VPS54: variants seen among roughly 807,000 people sequenced by gnomAD.
VPS54 encodes VPS54 subunit of GARP complex.
A neutral mutation model predicts 121.5 loss-of-function variants in VPS54; 45 were observed. That is an observed-to-expected ratio of 0.37 (90% CI 0.29 to 0.47). The LOEUF is 0.47. Among genes scored for constraint, VPS54 ranks in the 20% least tolerant of loss-of-function variants. The pLI is 0.99. For missense variants in VPS54, 1,090 were observed against 1,131.4 expected (o/e 0.96, Z 0.52); for synonymous variants, 371 against 385.8 (o/e 0.96, Z 0.45).
intron 1 of VPS54, among the ~76,000 whole-genome samples, chr2:64,001,161 C>G (rs1677856974): frequency 6.6e-6 from 1 of 152,194 alleles, no homozygotes; most frequent in African/African-American, 2.4e-5. Flanking sequence ...CCACCACCAC[C>G]AAAGGCCCAT....
At chr2:63,992,086 T>C (rs189112042) in intron 1 of VPS54, among the ~76,000 whole-genome samples, 267 of 152,332 alleles carry the variant, frequency 1.8e-3, no homozygotes, top group Middle Eastern at 3.4e-3. Context: ...TCTGATTCAG[T>C]TGACGAGATT....
intron 6 of VPS54, among the ~76,000 whole-genome samples, chr2:63,962,727 AC>A (rs1332398851): frequency 6.6e-6 from 1 of 152,102 alleles, no homozygotes; most frequent in African/African-American, 2.4e-5. Flanking sequence ...CTAAAAGAGT[AC>A]CCCACAGACA....
intron 3 of VPS54, among the ~76,000 whole-genome samples, chr2:63,973,448 T>C (rs1676377108): frequency 6.6e-6 from 1 of 152,234 alleles, no homozygotes; most frequent in African/African-American, 2.4e-5. Context: ...TGCACACTTC[T>C]ATATCTTTTT....
intron 1 of VPS54, among the ~76,000 whole-genome samples, chr2:63,990,702 A>C (rs903806051): frequency 6.6e-6 from 1 of 152,234 alleles, no homozygotes; most frequent in African/African-American, 2.4e-5. Context: ...CCTACTCTTG[A>C]AACTTCAATG....
At chr2:63,995,062 T>C (rs1004938993) in intron 1 of VPS54, among the ~76,000 whole-genome samples, 7 of 152,166 alleles carry the variant, frequency 4.6e-5, no homozygotes, top group Non-Finnish European at 8.8e-5. Flanking sequence ...CCATTCTGAG[T>C]CCAGAACACC....
At position 63,942,565 on chromosome 2, in the gene VPS54, G is replaced by T; in HGVS notation, c.1302-4C>A. The T allele has an allele frequency of 6.4e-7, 1 of 1,571,826 alleles. No homozygotes were observed. Among genetic ancestry groups the T allele is most frequent in the Non-Finnish European group, 8.6e-7 (1 of 1,157,186 alleles). On this transcript the variant is annotated splice_region_variant and splice_polypyrimidine_tract_variant and intron_variant, in intron 10 of 22. Coordinates refer to ENST00000272322, the MANE Select transcript of VPS54 (RefSeq NM_016516.3). Reference sequence around the variant, plus strand: ...CATTCTCATCTGATCTGCAAGCCTAGAAAAAAATAATTCAAACAAAAATAA... The same window carrying T: ...CATTCTCATCTGATCTGCAAGCCTATAAAAAAATAATTCAAACAAAAATAA...
chr2:63,928,460 A>G (rs1674021827), intron 12 of VPS54, among the ~76,000 whole-genome samples: 1 of 152,204 alleles, frequency 6.6e-6, no homozygotes, highest in Admixed American at 6.5e-5. Flanking sequence ...GCAAATGCTG[A>G]GAGATTTTTG....
In VPS54 at chr2:63,920,650, TGA is replaced by T. The variant is rs769063283; in HGVS notation, c.1870-25_1870-24del. On this transcript the variant is annotated intron_variant, in intron 13 of 22. Coordinates refer to ENST00000272322, the MANE Select transcript of VPS54 (RefSeq NM_016516.3). Reference sequence around the variant, plus strand: ...ATCCTAAATTTTAATACAAAAATCATGAGAGTTAGTGTAACACCAAATTGAGT... The same window carrying T: ...ATCCTAAATTTTAATACAAAAATCATGAGTTAGTGTAACACCAAATTGAGT... The T allele has an allele frequency of 2.3e-5, 32 of 1,403,842 alleles. No individual in the cohort carries two copies. In the East Asian group the frequency reaches 5.9e-4, roughly 26 times the overall value. 87.0% of individuals were successfully genotyped at this position (1,403,842 alleles called of 1,614,324 possible).
chr2:64,017,080 A>C (rs1678736772), intron 1 of VPS54, among the ~76,000 whole-genome samples: 1 of 149,242 alleles, frequency 6.7e-6, no homozygotes, highest in Non-Finnish European at 1.5e-5. Flanking sequence ...GGTGGCTCAC[A>C]CCTCTAATCC....
Position 64,007,809 on chromosome 2 carries a change from A to T in VPS54, c.-21+11129T>A, listed in dbSNP as rs566842807. Among the ~76,000 whole-genome samples the T allele has an allele frequency of 1.4e-4, 21 of 152,292 alleles. No homozygotes were observed. The South Asian group carries it at 4.1e-3, about 30-fold the overall frequency. On this transcript the variant is annotated intron_variant, in intron 1 of 22. Coordinates refer to ENST00000272322, the MANE Select transcript of VPS54 (RefSeq NM_016516.3). ...TCAGAAATACCATCCTTACACAGGG[A>T]AGATGTGTCAGGAAGTAAAGTGCGA...
intron 7 of VPS54, among the ~76,000 whole-genome samples, chr2:63,953,422 G>A (rs913117857): frequency 6.6e-6 from 1 of 151,956 alleles, no homozygotes; most frequent in Non-Finnish European, 1.5e-5. Flanking sequence ...CATGAGCCAC[G>A]CTACCCAGCC....
intron 12 of VPS54, among the ~76,000 whole-genome samples, chr2:63,932,710 G>T (rs187945913): frequency 6.6e-6 from 1 of 150,426 alleles, no homozygotes; most frequent in East Asian, 1.9e-4. Context: ...TTTATATAAA[G>T]ATAATAAAAA....
chr2:63,912,429 C>A lies in VPS54; in HGVS notation c.2545-4G>T. The stretch of plus-strand genomic sequence containing the variant: ...CAGCTATGTGATCATGGTAGTCCTG[C>A]AATGAGAAATGATAATTGTATTTTT... On this transcript the variant is annotated splice_region_variant and splice_polypyrimidine_tract_variant and intron_variant, in intron 19 of 22. Transcript: ENST00000272322. 6.2e-7 allele frequency: 1 copy of A among 1,612,182 alleles called. No homozygotes were observed. The highest frequency in any genetic ancestry group is 8.5e-7 in the Non-Finnish European group (1 of 1,178,970).
intron 3 of VPS54, among the ~76,000 whole-genome samples, chr2:63,976,825 CTTTTTTTTTTTT>C (rs1174931536): frequency 1.1e-5 from 1 of 89,680 alleles, no homozygotes; most frequent in Non-Finnish European, 2.2e-5. Flanking sequence ...TATATCTTCT[CTTTTTTTTTTTT>C]TTTTTTTTTG....
intron 1 of VPS54, among the ~76,000 whole-genome samples, chr2:63,987,537 A>G (rs538387284): frequency 3.9e-5 from 6 of 152,200 alleles, no homozygotes; most frequent in Non-Finnish European, 7.4e-5. Flanking sequence ...ATAAATTTCA[A>G]GATTGTTTTT....
chr2:63,990,086 C>T (rs974539549), intron 1 of VPS54, among the ~76,000 whole-genome samples: 2 of 152,156 alleles, frequency 1.3e-5, no homozygotes, highest in Non-Finnish European at 2.9e-5. Flanking sequence ...TAATGACATA[C>T]CAATCCCGTG....
rs200464772 is a variant in VPS54 at position 63,916,908 on chromosome 2, T to G, written c.2220A>C (p.Ala740=). ...EVLIVEGQQY[A]VVGTVLLLIR... Reference sequence around the variant, plus strand: ...AAAAATGTGTCACTCACCCAACAACTGCATACTGTTGTCCCTCGACAATAA... The same window carrying G: ...AAAAATGTGTCACTCACCCAACAACGGCATACTGTTGTCCCTCGACAATAA... Residue 740 remains alanine (A), a synonymous_variant, in exon 16 of 23, where the codon GCA becomes GCC. Coordinates refer to ENST00000272322, the MANE Select transcript of VPS54 (RefSeq NM_016516.3). 1.9e-6 allele frequency: 3 copies of G among 1,613,522 alleles called. No homozygotes were observed. Among genetic ancestry groups the G allele is most frequent in the East Asian group, 2.2e-5 (1 of 44,844 alleles).
In VPS54 at chr2:63,893,550, GAA is replaced by G. The variant is rs1672316462; in HGVS notation, c.2829-17_2829-16del. The G allele has an allele frequency of 6.3e-7, 1 of 1,593,276 alleles. No homozygotes were observed. The highest frequency in any genetic ancestry group is 1.8e-5 in the Admixed American group (1 of 57,128). On this transcript the variant is annotated splice_polypyrimidine_tract_variant and intron_variant, in intron 22 of 22. Transcript: ENST00000272322. The stretch of plus-strand genomic sequence containing the variant: ...CTGTGACCAACCTAAATAATGGAGA[GAA>G]AATTATTTTTTAAATCTCAAACTTT...
At chr2:63,937,653 T>C (rs574319940) in intron 11 of VPS54, among the ~76,000 whole-genome samples, 16 of 151,970 alleles carry the variant, frequency 1.1e-4, no homozygotes, top group African/African-American at 2.4e-4. Context: ...TTGACAAAAA[T>C]AAGAACTAAA....
Sources: allele counts gnomAD v4.1 joint callset (sites outside exome capture counted in the v4.1 genomes callset), GRCh38; gene constraint gnomAD v4.1.1; transcripts MANE v1.5; gene names NCBI Gene and HGNC (gene_info 2026-07-23, HGNC 2026-07-21).